SEC22C: variants seen among roughly 807,000 people sequenced by gnomAD.
SEC22C encodes the protein vesicle-trafficking protein SEC22c.
SEC22C carries 29 observed loss-of-function variants against 34.7 expected under a neutral mutation model. The ratio of observed to expected loss-of-function variants is 0.84; its 90% CI spans 0.62 to 1.14. SEC22C has a LOEUF of 1.14. Ranked by LOEUF, SEC22C falls within the 50% of genes most tolerant of loss-of-function variation. The pLI is 0.00. For synonymous variants in SEC22C, 117 were observed against 132.8 expected (o/e 0.88, Z 0.82); for missense variants, 337 against 369.0 (o/e 0.91, Z 0.71).
Position 42,551,001 on chromosome 3 carries a change from T to C in SEC22C, c.*2247A>G. On this transcript the variant is annotated 3_prime_UTR_variant, in exon 7 of 7. Coordinates refer to ENST00000264454, the MANE Select transcript of SEC22C (RefSeq NM_032970.4). ...CTCCTGCCTCAGCCTCCTGAGTAGC[T>C]GGGGCTACAGGCACAAGCCACCGTG... 2 of 754,172 alleles carry C rather than the reference T, an allele frequency of 2.7e-6. No homozygotes were observed. Among genetic ancestry groups the C allele is most frequent in the Non-Finnish European group, 3.2e-6 (2 of 619,492 alleles). The allele number at this position is 754,172 out of a possible 1,614,324, so 46.7% of individuals were successfully genotyped here. A position where few individuals can be genotyped will look rare whatever the true frequency, so the allele number is the denominator to read the frequency against.
At chr3:42,593,333 C>T (rs930802524) in intron 1 of SEC22C, among the ~76,000 whole-genome samples, 5 of 152,168 alleles carry the variant, frequency 3.3e-5, no homozygotes, top group Non-Finnish European at 7.4e-5. Context: ...AGGAGAATTG[C>T]TTGAACCCAG....
At chr3:42,564,039 G>T in intron 2 of SEC22C, 1 of 890,896 alleles carries the variant, frequency 1.1e-6, no homozygotes, top group Non-Finnish European at 1.5e-6. Flanking sequence ...AATGTTAAAT[G>T]ATCCTGGCAT....
chr3:42,576,051 CAGAA>C (rs779430263), intron 1 of SEC22C, among the ~76,000 whole-genome samples: 5 of 151,988 alleles, frequency 3.3e-5, no homozygotes, highest in Non-Finnish European at 7.4e-5. Context: ...AAATTAATAA[CAGAA>C]AGGTAAAGAA....
intron 1 of SEC22C, among the ~76,000 whole-genome samples, chr3:42,589,711 G>A (rs1314496917): frequency 6.6e-6 from 1 of 152,212 alleles, no homozygotes; most frequent in Non-Finnish European, 1.5e-5. Context: ...AGAATCTAAT[G>A]CCTGCTGATG....
chr3:42,553,389 G>C lies in SEC22C; in HGVS notation c.771C>G (p.Leu257=), dbSNP rs754820746. 2.5e-6 allele frequency: 4 copies of C among 1,614,124 alleles called. No individual in the cohort carries two copies. The Admixed American group carries it at 6.7e-5, about 27-fold the overall frequency. ...ARTMKVVLML[L]FICLGNMYLH... is the part of the protein sequence containing the mutation. Reference sequence around the variant, plus strand: ...GGTACATGTTGCCCAGGCAAATAAAGAGCAGCATAAGCACCACCTTCATAG... The same window carrying C: ...GGTACATGTTGCCCAGGCAAATAAACAGCAGCATAAGCACCACCTTCATAG... The change falls in exon 7 of 7, where the codon CTC becomes CTG. Residue 257 remains leucine, a synonymous_variant. Transcript: ENST00000264454.
chr3:42,569,119 G>A (rs1703448187), intron 1 of SEC22C, 46 bp from the exon 2 acceptor site: 1 of 1,285,644 alleles, frequency 7.8e-7, no homozygotes, highest in African/African-American at 1.5e-5. Flanking sequence ...AAATGACAGT[G>A]CCAGAAATAC....
At chr3:42,557,758 AC>A in intron 4 of SEC22C, 62 bp from the exon 5 acceptor site, 1 of 830,382 alleles carries the variant, frequency 1.2e-6, no homozygotes, top group Non-Finnish European at 2.1e-6. Flanking sequence ...AGAAAAATAA[AC>A]GAAGACATTA....
In SEC22C at chr3:42,561,103, A is replaced by G. The variant is rs534351968; in HGVS notation, c.526+14T>C. On this transcript the variant is annotated intron_variant, in intron 4 of 6. Coordinates refer to ENST00000264454, the MANE Select transcript of SEC22C (RefSeq NM_032970.4). ...TATCACTTCATCAACATCAGGGAAC[A>G]ACAAGCCACTTACCAGGCTCCAAGT... 7.4e-5 allele frequency: 119 copies of G among 1,607,646 alleles called. 1 individual carries two copies. The South Asian group carries it at 1.3e-3, about 17-fold the overall frequency.
At chr3:42,576,951 A>G (rs1346767642) in intron 1 of SEC22C, among the ~76,000 whole-genome samples, 1 of 152,212 alleles carries the variant, frequency 6.6e-6, no homozygotes, top group Non-Finnish European at 1.5e-5. Context: ...GAAACAGAAT[A>G]CAGAACCCAA....
intron 1 of SEC22C, among the ~76,000 whole-genome samples, chr3:42,579,141 G>A (rs1240205951): frequency 6.6e-6 from 1 of 152,152 alleles, no homozygotes; most frequent in Non-Finnish European, 1.5e-5. Context: ...GCTAGGTATG[G>A]TGGTACATGC....
Position 42,551,631 on chromosome 3 carries a change from C to A in SEC22C, c.*1617G>T. On this transcript the variant is annotated 3_prime_UTR_variant, in exon 7 of 7. Coordinates refer to ENST00000264454, the MANE Select transcript of SEC22C (RefSeq NM_032970.4). ...GGGAATACAGGCATGAGCCATCATG[C>A]CTGGCCCATATCCAAATATTTTATG... 1.1e-6 allele frequency: 1 copy of A among 940,570 alleles called. No homozygotes were observed. Among genetic ancestry groups the A allele is most frequent in the South Asian group, 4.9e-5 (1 of 20,350 alleles). 58.3% of individuals were successfully genotyped at this position (940,570 alleles called of 1,614,324 possible).
At position 42,551,564 on chromosome 3, in the gene SEC22C, C is replaced by T; in HGVS notation, c.*1684G>A. ...TGTTGTCCAGGCTGGTCTCAAACTA[C>T]TGGCCTCAACCGAGTCTCCTGCTTT... is the stretch of plus-strand genomic sequence containing the variant. On this transcript the variant is annotated 3_prime_UTR_variant, in exon 7 of 7. Coordinates refer to ENST00000264454, the MANE Select transcript of SEC22C (RefSeq NM_032970.4). 7.3e-6 allele frequency: 4 copies of T among 546,852 alleles called. No individual in the cohort carries two copies. The highest frequency in any genetic ancestry group is 9.3e-6 in the Non-Finnish European group (4 of 429,676). The allele number at this position is 546,852 out of a possible 1,614,324, so 33.9% of individuals were successfully genotyped here.
rs776673813 is a variant in SEC22C, at chr3:42,591,541, A to G, written c.-28+9419T>C. On this transcript the variant is annotated intron_variant, in intron 1 of 6. Transcript: ENST00000417572. Reference sequence around the variant, plus strand: ...ATCTTTCAGCTCCTTGAGGAGAATGACCAGCTGATCCGCTGTATTGTGGAG... The same window carrying G: ...ATCTTTCAGCTCCTTGAGGAGAATGGCCAGCTGATCCGCTGTATTGTGGAG... 4.8e-5 allele frequency: 78 copies of G among 1,613,740 alleles called. No homozygotes were observed. Among genetic ancestry groups the G allele is most frequent in the Non-Finnish European group, 6.4e-5 (75 of 1,179,800 alleles).
At chr3:42,599,407 T>C (rs908963861) in intron 1 of SEC22C, among the ~76,000 whole-genome samples, 3 of 151,454 alleles carry the variant, frequency 2.0e-5, no homozygotes, top group African/African-American at 7.3e-5. Flanking sequence ...TAAGAGTCTT[T>C]TCAGGCCGGG....
At chr3:42,596,398 C>T (rs1045915751) in intron 1 of SEC22C, among the ~76,000 whole-genome samples, 1 of 152,172 alleles carries the variant, frequency 6.6e-6, no homozygotes, top group African/African-American at 2.4e-5. Flanking sequence ...GAGTCCTATC[C>T]CCTGAAGTTC....
intron 3 of SEC22C, 33 bp downstream of exon 3, chr3:42,563,490 A>C (rs1315387890): frequency 6.3e-7 from 1 of 1,582,180 alleles, no homozygotes; most frequent in South Asian, 1.2e-5. Context: ...ACACCATGGA[A>C]GAGAAAAATA....
chr3:42,567,646 A>T (rs766895388), intron 2 of SEC22C, among the ~76,000 whole-genome samples: 2 of 152,322 alleles, frequency 1.3e-5, no homozygotes, highest in Non-Finnish European at 2.9e-5. Flanking sequence ...CCTACTTCCA[A>T]TGGAACATTT....
chr3:42,548,954 CG>C lies in SEC22C; in HGVS notation c.*4293del, dbSNP rs1250884130. 21 of 1,167,154 alleles carry C rather than the reference CG, an allele frequency of 1.8e-5. No homozygotes were observed. The highest frequency in any genetic ancestry group is 2.2e-5 in the Non-Finnish European group (21 of 939,574). The allele number at this position is 1,167,154 out of a possible 1,614,324, so 72.3% of individuals were successfully genotyped here. On this transcript the variant is annotated 3_prime_UTR_variant, in exon 7 of 7. Transcript: ENST00000264454. Reference sequence around the variant, plus strand: ...TTTGACCCTCATAACAGCACCCTGGCGGGGGGGCAGATTGATGTTATCACCA... The same window carrying C: ...TTTGACCCTCATAACAGCACCCTGGCGGGGGGCAGATTGATGTTATCACCA...
chr3:42,566,704 T>C, intron 2 of SEC22C: 1 of 182,714 alleles, frequency 5.5e-6, no homozygotes. Flanking sequence ...AATTTACTAT[T>C]CAAGGAGAAC....
Sources: gnomAD v4.1 joint callset for allele counts (sites outside exome capture counted in the v4.1 genomes callset) on GRCh38, gnomAD v4.1.1 for gene constraint, MANE v1.5 for transcripts, NCBI Gene and HGNC (gene_info 2026-07-23, HGNC 2026-07-21) for gene names.